The following ENOX1 variants were observed in gnomAD, a reference collection of about 807,000 sequenced individuals.
The protein encoded by ENOX1 is candidate growth-related and time keeping constitutive hydroquinone (NADH) oxidase.
A neutral mutation model predicts 82.5 loss-of-function variants in ENOX1; 42 were observed. The observed-to-expected ratio is 0.51, with a 90% CI of 0.40 to 0.66. The LOEUF (loss-of-function observed/expected upper bound fraction) is 0.66, where lower values mean the gene tolerates loss of function less well. ENOX1 is among the 30% of genes least tolerant of loss of function. The probability of loss-of-function intolerance (pLI) is 0.00; values close to 1 mark genes in which losing one functional copy is unlikely to be tolerated. For synonymous variants in ENOX1, 271 were observed against 282.2 expected (o/e 0.96, Z 0.40); for missense variants, 608 against 811.6 (o/e 0.75, Z 3.05).
chr13:43,284,468 A>G (rs923793133), intron 12 of ENOX1, among the ~76,000 whole-genome samples: 8 of 152,188 alleles, frequency 5.3e-5, no homozygotes, highest in African/African-American at 1.9e-4. Flanking sequence ...TGGCCAACGA[A>G]AGCCACTCTG....
At chr13:43,512,581 T>C (rs1352346074) in intron 2 of ENOX1, among the ~76,000 whole-genome samples, 1 of 151,128 alleles carries the variant, frequency 6.6e-6, no homozygotes, top group Non-Finnish European at 1.5e-5. Context: ...ATGTTAGAAG[T>C]ACATTTTTAG....
intron 2 of ENOX1, among the ~76,000 whole-genome samples, chr13:43,606,456 C>T (rs2081979200): frequency 1.3e-5 from 2 of 152,068 alleles, no homozygotes; most frequent in African/African-American, 2.4e-5. Context: ...CAAGGAGATA[C>T]TATTCAGCCA....
chr13:43,344,162 C>T (rs2049234344), intron 9 of ENOX1, among the ~76,000 whole-genome samples: 2 of 152,216 alleles, frequency 1.3e-5, no homozygotes, highest in Admixed American at 6.5e-5. Flanking sequence ...TTGCTTTCTA[C>T]TGTCAGCACT....
chr13:43,639,478 A>C (rs2083543530), intron 2 of ENOX1, among the ~76,000 whole-genome samples: 1 of 152,206 alleles, frequency 6.6e-6, no homozygotes, highest in Non-Finnish European at 1.5e-5. Flanking sequence ...TAAGATCACC[A>C]GTACCTGATT....
intron 3 of ENOX1, among the ~76,000 whole-genome samples, chr13:43,419,703 G>A (rs2054858768): frequency 6.6e-6 from 1 of 152,174 alleles, no homozygotes; most frequent in Non-Finnish European, 1.5e-5. Flanking sequence ...CAGGCACGGT[G>A]GCTCATGCCT....
intron 2 of ENOX1, among the ~76,000 whole-genome samples, chr13:43,663,815 G>T (rs2084847892): frequency 6.6e-6 from 1 of 152,162 alleles, no homozygotes; most frequent in African/African-American, 2.4e-5. Context: ...ACAGAAATTT[G>T]ACAGAGTTTA....
chr13:43,540,700 T>G (rs1457357863), intron 2 of ENOX1, among the ~76,000 whole-genome samples: 2 of 152,180 alleles, frequency 1.3e-5, no homozygotes, highest in Non-Finnish European at 2.9e-5. Flanking sequence ...CTTCCCAGTA[T>G]GTAGTGCAAT....
chr13:43,382,095 A>G (rs918622943), intron 5 of ENOX1, among the ~76,000 whole-genome samples: 1 of 152,122 alleles, frequency 6.6e-6, no homozygotes, highest in Non-Finnish European at 1.5e-5. Context: ...TTCAGCATGA[A>G]CTTTGATGCA....
intron 1 of ENOX1, among the ~76,000 whole-genome samples, chr13:43,700,114 C>T (rs933042632): frequency 3.3e-5 from 5 of 152,072 alleles, no homozygotes; most frequent in Non-Finnish European, 7.4e-5. Flanking sequence ...TTTATTAGAG[C>T]CACTACTAAA....
At position 43,596,965 on chromosome 13, in the gene ENOX1, A is replaced by G. The variant is rs182535865; in HGVS notation, c.-219+70514T>C. On this transcript the variant is annotated intron_variant, in intron 2 of 16. Coordinates refer to ENST00000690772, the MANE Select transcript of ENOX1 (RefSeq NM_001347969.2). ...CTAAAGAACTACCTGAGACTGAGTAATTTATGAAGAAAAGAAGTTTAATTG... is the reference window on the plus strand; with the variant it reads ...CTAAAGAACTACCTGAGACTGAGTAGTTTATGAAGAAAAGAAGTTTAATTG... Among the ~76,000 whole-genome samples, 310 of 152,320 alleles carry G rather than the reference A, an allele frequency of 2.0e-3. 3 individuals carry two copies. The highest frequency in any genetic ancestry group is 7.2e-3 in the African/African-American group (301 of 41,576).
chr13:43,452,087 C>T (rs1164809221), intron 3 of ENOX1, among the ~76,000 whole-genome samples: 1 of 151,376 alleles, frequency 6.6e-6, no homozygotes, highest in African/African-American at 2.5e-5. Flanking sequence ...GTATTAAATG[C>T]TTCACCACAG....
chr13:43,226,405 G>A (rs1311784307), intron 15 of ENOX1, among the ~76,000 whole-genome samples: 3 of 152,102 alleles, frequency 2.0e-5, no homozygotes, highest in Non-Finnish European at 4.4e-5. Context: ...CACCTCAGAC[G>A]TTTATCATTT....
chr13:43,651,532 C>CT (rs1594265775), intron 2 of ENOX1, among the ~76,000 whole-genome samples: 1 of 151,410 alleles, frequency 6.6e-6, no homozygotes, highest in African/African-American at 2.4e-5. Context: ...CCTGTCTCTA[C>CT]TGAAAAATAC....
At chr13:43,304,524 C>T (rs2046759293) in intron 11 of ENOX1, among the ~76,000 whole-genome samples, 2 of 152,114 alleles carry the variant, frequency 1.3e-5, no homozygotes, top group Admixed American at 6.5e-5. Context: ...TTGCTCCTAA[C>T]AGAAGTAAAA....
At chr13:43,447,013 C>T (rs1305657188) in intron 3 of ENOX1, among the ~76,000 whole-genome samples, 1 of 152,164 alleles carries the variant, frequency 6.6e-6, no homozygotes, top group African/African-American at 2.4e-5. Flanking sequence ...CCTTAGAGGG[C>T]CATGAGAACA....
chr13:43,651,787 C>T (rs1386162882), intron 2 of ENOX1, among the ~76,000 whole-genome samples: 2 of 151,296 alleles, frequency 1.3e-5, no homozygotes, highest in South Asian at 2.1e-4. Context: ...CCAGCCTGAC[C>T]AACATAGTAA....
At chr13:43,310,193 A>G (rs9533451) in intron 11 of ENOX1, among the ~76,000 whole-genome samples, 112,670 of 117,772 alleles carry the variant, frequency 0.96, 54,265 homozygotes, top group East Asian at 1. Flanking sequence ...GCGAGATTCC[A>G]TCTCAAAAAA....
chr13:43,400,128 A>T (rs147494606), intron 5 of ENOX1, among the ~76,000 whole-genome samples: 2 of 152,028 alleles, frequency 1.3e-5, no homozygotes, highest in African/African-American at 4.8e-5. Context: ...GTGCCTGCCT[A>T]CTGGGAGGAC....
At chr13:43,578,085 A>G (rs2153715605) in intron 2 of ENOX1, among the ~76,000 whole-genome samples, 1 of 152,314 alleles carries the variant, frequency 6.6e-6, no homozygotes, top group African/African-American at 2.4e-5. Context: ...AGGAAGAAAA[A>G]AACTAGGTTT....
Sources: gnomAD v4.1 joint callset for allele counts (sites outside exome capture counted in the v4.1 genomes callset) on GRCh38, gnomAD v4.1.1 for gene constraint, MANE v1.5 for transcripts, NCBI Gene and HGNC (gene_info 2026-07-23, HGNC 2026-07-21) for gene names.